The following PARM1 variants were observed in gnomAD, a reference collection of about 807,000 sequenced individuals.
PARM1 encodes WSC4, cell wall integrity and stress response component 4 homolog.
Under a neutral mutation model 24.6 loss-of-function variants are expected in PARM1, and 14 were observed. The ratio of observed to expected loss-of-function variants is 0.57; its 90% confidence interval spans 0.38 to 0.89. PARM1 has a LOEUF of 0.89. Ranked by LOEUF, PARM1 falls within the 40% of genes least tolerant of loss-of-function variation. The probability of loss-of-function intolerance (pLI) is 0.00; values close to 1 mark genes in which losing one functional copy is unlikely to be tolerated. For missense variants in PARM1, 362 were observed against 380.4 expected (o/e 0.95, Z 0.40); for synonymous variants, 179 against 156.6 (o/e 1.14, Z -1.07).
chr4:75,028,611 A>G (rs2109805928), intron 2 of PARM1, among the ~76,000 whole-genome samples: 1 of 152,362 alleles, frequency 6.6e-6, no homozygotes, highest in East Asian at 1.9e-4. Flanking sequence ...TCAAGTATTT[A>G]CACGCACCTT....
At chr4:74,981,030 A>G (rs971211285) in intron 1 of PARM1, among the ~76,000 whole-genome samples, 4 of 152,206 alleles carry the variant, frequency 2.6e-5, no homozygotes, top group African/African-American at 4.8e-5. Flanking sequence ...TCTAGGCAAT[A>G]CCATTCAGAA....
At chr4:74,963,828 T>C (rs1057447056) in intron 1 of PARM1, among the ~76,000 whole-genome samples, 3 of 152,174 alleles carry the variant, frequency 2.0e-5, no homozygotes, top group Non-Finnish European at 4.4e-5. Flanking sequence ...TTACATATTA[T>C]AAAATTTACA....
chr4:74,978,970 G>A (rs572734221), intron 1 of PARM1, among the ~76,000 whole-genome samples: 8 of 152,026 alleles, frequency 5.3e-5, no homozygotes, highest in Non-Finnish European at 1.2e-4. Context: ...GTGTTAGGAG[G>A]GAAATTTATA....
intron 1 of PARM1, among the ~76,000 whole-genome samples, chr4:74,981,751 TGTAATC>T (rs779236212): frequency 1.3e-5 from 2 of 151,892 alleles, no homozygotes; most frequent in Non-Finnish European, 2.9e-5. Flanking sequence ...GGAAGGCGCC[TGTAATC>T]CCAGCTACTC....
intron 2 of PARM1, among the ~76,000 whole-genome samples, chr4:75,019,332 T>C (rs1723044987): frequency 6.6e-6 from 1 of 152,218 alleles, no homozygotes; most frequent in Non-Finnish European, 1.5e-5. Flanking sequence ...ACATCATCAG[T>C]TCTTGCATAT....
At chr4:74,969,193 T>G (rs2109993717) in intron 1 of PARM1, among the ~76,000 whole-genome samples, 1 of 152,276 alleles carries the variant, frequency 6.6e-6, no homozygotes, top group Admixed American at 6.5e-5. Context: ...CTTTCTCACT[T>G]ACAGAAGTAC....
chr4:74,944,309 A>C (rs1318592847), intron 1 of PARM1, among the ~76,000 whole-genome samples: 1 of 152,234 alleles, frequency 6.6e-6, no homozygotes, highest in Non-Finnish European at 1.5e-5. Context: ...CCTATAAACA[A>C]ACCAAAGAAG....
intron 2 of PARM1, among the ~76,000 whole-genome samples, chr4:75,014,327 C>T (rs1462506624): frequency 3.3e-5 from 5 of 152,058 alleles, no homozygotes; most frequent in African/African-American, 1.2e-4. Context: ...TTCAAAGGCC[C>T]AGTATATCAT....
chr4:75,020,074 G>T, intron 2 of PARM1, among the ~76,000 whole-genome samples: 1 of 141,670 alleles, frequency 7.1e-6, no homozygotes, highest in Non-Finnish European at 1.5e-5. Flanking sequence ...ATTGTAGTAA[G>T]TTAATGACCA....
intron 1 of PARM1, among the ~76,000 whole-genome samples, chr4:74,998,142 C>T (rs930238672): frequency 6.6e-6 from 1 of 152,196 alleles, no homozygotes; most frequent in African/African-American, 2.4e-5. Flanking sequence ...GTTGGCATTG[C>T]AAACACTGTC....
At chr4:75,024,657 T>C (rs1482624278) in intron 2 of PARM1, among the ~76,000 whole-genome samples, 1 of 152,226 alleles carries the variant, frequency 6.6e-6, no homozygotes, top group African/African-American at 2.4e-5. Context: ...AAAGGACATA[T>C]GCAAACTTTT....
chr4:75,036,916 TAC>T (rs1457113100), intron 3 of PARM1, among the ~76,000 whole-genome samples: 2 of 152,190 alleles, frequency 1.3e-5, no homozygotes, highest in Admixed American at 6.5e-5. Flanking sequence ...TAAGAATGGA[TAC>T]AGTTATTAGA....
chr4:74,962,361 A>G (rs1310968808), intron 1 of PARM1, among the ~76,000 whole-genome samples: 1 of 152,192 alleles, frequency 6.6e-6, no homozygotes, highest in East Asian at 1.9e-4. Flanking sequence ...AAAATCAACT[A>G]AACAGGAAGA....
chr4:74,969,065 T>C (rs1390051118), intron 1 of PARM1, among the ~76,000 whole-genome samples: 10 of 152,098 alleles, frequency 6.6e-5, no homozygotes, highest in Non-Finnish European at 1.3e-4. Flanking sequence ...GTAAACCAAG[T>C]TTTGGCTGCT....
intron 1 of PARM1, among the ~76,000 whole-genome samples, chr4:74,977,664 A>G (rs1722165867): frequency 1.3e-5 from 2 of 152,224 alleles, no homozygotes; most frequent in African/African-American, 2.4e-5. Context: ...ACACATAATC[A>G]TCAGATTCTT....
At chr4:75,020,156 G>T (rs10049553) in intron 2 of PARM1, among the ~76,000 whole-genome samples, 48,113 of 151,894 alleles carry the variant, frequency 0.32, 9,497 homozygotes, top group South Asian at 0.46. Flanking sequence ...AAAAACATAG[G>T]TGTGAGAAGA....
chr4:75,008,025 C>T (rs1476623798), intron 1 of PARM1, among the ~76,000 whole-genome samples: 1 of 152,218 alleles, frequency 6.6e-6, no homozygotes. Flanking sequence ...TATTTAGTTA[C>T]AGCAGTCCTA....
In PARM1 at chr4:74,941,473, C is replaced by G. The variant is rs112824751; in HGVS notation, c.43+8103C>G. On this transcript the variant is annotated intron_variant, in intron 1 of 3. Coordinates refer to ENST00000307428, the MANE Select transcript of PARM1 (RefSeq NM_015393.4). The stretch of plus-strand genomic sequence containing the variant: ...ACATCAAATGGCTGAATCAGGGGAG[C>G]AGGAGGAGGATTAAAATTATTTTGG... Among the ~76,000 whole-genome samples the G allele has an allele frequency of 2.9e-3, 445 of 152,206 alleles. 1 individual carries two copies. The highest frequency in any genetic ancestry group is 0.01 in the African/African-American group (418 of 41,542).
chr4:74,993,017 C>T (rs886971043), intron 1 of PARM1, among the ~76,000 whole-genome samples: 1 of 152,172 alleles, frequency 6.6e-6, no homozygotes, highest in Non-Finnish European at 1.5e-5. Context: ...ATTATCCCCA[C>T]CTCCTGATGT....
Sources: allele counts gnomAD v4.1 joint callset (sites outside exome capture counted in the v4.1 genomes callset), GRCh38; gene constraint gnomAD v4.1.1; transcripts MANE v1.5; gene names NCBI Gene and HGNC (gene_info 2026-07-23, HGNC 2026-07-21).